MDGA2: variants seen among roughly 807,000 people sequenced by gnomAD.
MDGA2 encodes MAM domain containing glycosylphosphatidylinositol anchor 2, also known as MAM domain-containing glycosylphosphatidylinositol anchor protein 2.
In MDGA2, 40 loss-of-function variants were observed where a neutral mutation model predicts 117.8. The ratio of observed to expected loss-of-function variants is 0.34; its 90% CI spans 0.26 to 0.44. MDGA2 has a LOEUF of 0.44. Among genes scored for constraint, MDGA2 ranks in the 20% least tolerant of loss-of-function variants. The pLI is 1.00. For synonymous variants in MDGA2, 452 were observed against 439.0 expected (o/e 1.03, Z -0.37); for missense variants, 1,123 against 1,250.6 (o/e 0.90, Z 1.54).
intron 1 of MDGA2, among the ~76,000 whole-genome samples, chr14:47,633,433 G>A (rs543721191): frequency 3.7e-4 from 57 of 152,318 alleles, no homozygotes; most frequent in African/African-American, 1.3e-3. Context: ...ATTTGTGCAT[G>A]TGTAAGTGTG....
chr14:47,146,136 G>A (rs1882935813), intron 3 of MDGA2, among the ~76,000 whole-genome samples: 1 of 152,124 alleles, frequency 6.6e-6, no homozygotes, highest in African/African-American at 2.4e-5. Flanking sequence ...ATAATAAAAT[G>A]CCAACCAAAG....
At chr14:47,224,779 A>G (rs1025309018) in intron 2 of MDGA2, among the ~76,000 whole-genome samples, 1 of 152,218 alleles carries the variant, frequency 6.6e-6, no homozygotes, top group Non-Finnish European at 1.5e-5. Flanking sequence ...AAGAATATTA[A>G]GAACTATCAA....
At chr14:47,301,752 C>G (rs1328288087) in intron 1 of MDGA2, among the ~76,000 whole-genome samples, 1 of 152,192 alleles carries the variant, frequency 6.6e-6, no homozygotes, top group Non-Finnish European at 1.5e-5. Context: ...GTGACCAACA[C>G]ATTTCCAGGG....
intron 1 of MDGA2, among the ~76,000 whole-genome samples, chr14:47,670,517 A>C (rs1212859090): frequency 1.3e-5 from 2 of 152,214 alleles, no homozygotes; most frequent in Non-Finnish European, 2.9e-5. Context: ...TAGAAAACAC[A>C]GTTAACCCAA....
intron 9 of MDGA2, 79 bp from the exon 10 acceptor site, chr14:46,920,239 C>T (rs1470022651): frequency 7.6e-7 from 1 of 1,310,258 alleles, no homozygotes; most frequent in Non-Finnish European, 1.0e-6. Context: ...GGCCCTTTTA[C>T]CATTTCTACT....
At chr14:47,528,921 A>C (rs964288201) in intron 1 of MDGA2, among the ~76,000 whole-genome samples, 1 of 152,208 alleles carries the variant, frequency 6.6e-6, no homozygotes, top group African/African-American at 2.4e-5. Context: ...TATATTCCAA[A>C]AAATAATTTC....
chr14:47,390,298 A>AGAATG (rs1470696247), intron 1 of MDGA2, among the ~76,000 whole-genome samples: 1 of 152,172 alleles, frequency 6.6e-6, no homozygotes, highest in African/African-American at 2.4e-5. Flanking sequence ...TTACAACCCC[A>AGAATG]GAATGTCTTT....
intron 1 of MDGA2, among the ~76,000 whole-genome samples, chr14:47,421,969 CTG>C (rs1892588988): frequency 7.9e-6 from 1 of 126,072 alleles, no homozygotes; most frequent in South Asian, 3.2e-4. Context: ...CTTTTGGTGA[CTG>C]TAATAAAGTA....
chr14:47,459,093 T>C (rs954933508), intron 1 of MDGA2, among the ~76,000 whole-genome samples: 15 of 152,088 alleles, frequency 9.9e-5, no homozygotes, highest in African/African-American at 1.4e-4. Flanking sequence ...ATTTCTACTG[T>C]TCTGCAGAAC....
chr14:46,922,620 A>T (rs941840928), intron 9 of MDGA2, among the ~76,000 whole-genome samples: 2 of 152,226 alleles, frequency 1.3e-5, no homozygotes, highest in South Asian at 4.1e-4. Context: ...GGTGACCAGG[A>T]ATCCAGACAT....
intron 8 of MDGA2, among the ~76,000 whole-genome samples, chr14:47,010,537 T>A (rs1258222789): frequency 6.6e-6 from 1 of 152,038 alleles, no homozygotes; most frequent in Non-Finnish European, 1.5e-5. Context: ...TTTAAATTCA[T>A]AACTATATCT....
intron 3 of MDGA2, among the ~76,000 whole-genome samples, chr14:47,187,335 G>T (rs1884947952): frequency 6.6e-6 from 1 of 151,902 alleles, no homozygotes; most frequent in African/African-American, 2.4e-5. Flanking sequence ...AGAGTTTTCA[G>T]AAATATTCTG....
chr14:46,847,338 T>A (rs1287979868), intron 15 of MDGA2, among the ~76,000 whole-genome samples: 1 of 152,110 alleles, frequency 6.6e-6, no homozygotes, highest in East Asian at 1.9e-4. Flanking sequence ...TTAAAGATTC[T>A]CCAAAGCCAT....
At chr14:47,247,435 G>C (rs1159687069) in intron 2 of MDGA2, among the ~76,000 whole-genome samples, 1 of 150,830 alleles carries the variant, frequency 6.6e-6, no homozygotes, top group Non-Finnish European at 1.5e-5. Flanking sequence ...CTCCTTGGTA[G>C]CTGGAAGTAC....
intron 1 of MDGA2, among the ~76,000 whole-genome samples, chr14:47,584,076 T>C (rs1896277704): frequency 6.6e-6 from 1 of 151,848 alleles, no homozygotes; most frequent in East Asian, 1.9e-4. Flanking sequence ...TTTGAGAAAC[T>C]TGTAAATGTT....
intron 8 of MDGA2, among the ~76,000 whole-genome samples, chr14:47,000,960 A>C (rs1332161298): frequency 2.0e-5 from 3 of 152,066 alleles, no homozygotes; most frequent in Non-Finnish European, 2.9e-5. Context: ...TTAGCTTATC[A>C]AAGTATTTTA....
intron 1 of MDGA2, among the ~76,000 whole-genome samples, chr14:47,564,135 TG>T (rs1895872220): frequency 6.6e-6 from 1 of 152,216 alleles, no homozygotes; most frequent in Non-Finnish European, 1.5e-5. Context: ...GTTAGCCTGA[TG>T]GGGTTCCCTT....
chr14:47,399,821 A>G (rs1195663269), intron 1 of MDGA2, among the ~76,000 whole-genome samples: 2 of 152,186 alleles, frequency 1.3e-5, no homozygotes, highest in Non-Finnish European at 2.9e-5. Flanking sequence ...TATAAAAATA[A>G]CAAGCTCTAG....
chr14:47,154,636 G>C (rs1017793283), intron 3 of MDGA2, among the ~76,000 whole-genome samples: 13 of 148,784 alleles, frequency 8.7e-5, no homozygotes, highest in African/African-American at 3.3e-4. Context: ...GACCAGGCCT[G>C]GTGTGTATGA....
Sources: gnomAD v4.1 joint callset for allele counts (sites outside exome capture counted in the v4.1 genomes callset) on GRCh38, gnomAD v4.1.1 for gene constraint, MANE v1.5 for transcripts, NCBI Gene and HGNC (gene_info 2026-07-23, HGNC 2026-07-21) for gene names.